Variants in ALG9 observed in about 807,000 individuals in gnomAD.
The protein encoded by ALG9 is alpha-1,2-mannosyltransferase ALG9.
A neutral mutation model predicts 81.8 loss-of-function variants in ALG9; 55 were observed. The ratio of observed to expected loss-of-function variants is 0.67; its 90% CI spans 0.54 to 0.84. ALG9 has a LOEUF of 0.84. Ranked by LOEUF, ALG9 falls within the 40% of genes least tolerant of loss-of-function variation. The probability of loss-of-function intolerance (pLI) is 0.00; values close to 1 mark genes in which losing one functional copy is unlikely to be tolerated. For synonymous variants in ALG9, 278 were observed against 274.3 expected, an observed-to-expected ratio of 1.01 and a Z score of -0.13; for missense variants, 629 against 745.0, an observed-to-expected ratio of 0.84 and a Z score of 1.81.
rs1555144290 is a variant in ALG9 at position 111,857,621 on chromosome 11, G to A, written c.682C>T (p.Pro228Ser). The A allele has an allele frequency of 1.2e-6, 2 of 1,614,096 alleles. No homozygotes were observed. Among genetic ancestry groups the A allele is most frequent in the African/African-American group, 2.7e-5 (2 of 74,992 alleles). The change falls in exon 6 of 15, where the codon CCA (proline) becomes TCA (serine). Residue 228 changes from proline to serine, a missense_variant. Pro to Ser is a moderately conservative substitution (Grantham distance 74). Coordinates refer to ENST00000616540, the MANE Select transcript of ALG9 (RefSeq NM_024740.2). ...GVAAGAILGW[P>S]FSAALGLPIA... ...TCTTACCCAAGAGCTGCACTGAATG[G>A]CCAGCCTAAGATAGCCCCAGCTGCT...
downstream of ALG9, among the ~76,000 whole-genome samples, chr11:111,779,675 C>T (rs1342160649): frequency 1.3e-5 from 2 of 151,616 alleles, no homozygotes; most frequent in Non-Finnish European, 2.9e-5. Flanking sequence ...CATCTCTAGG[C>T]ATGTAATGAC....
chr11:111,845,573 T>C (rs1321713799), intron 8 of ALG9, among the ~76,000 whole-genome samples: 1 of 152,174 alleles, frequency 6.6e-6, no homozygotes, highest in Non-Finnish European at 1.5e-5. Context: ...ACACTATTTT[T>C]TATTCTTTAA....
Position 111,870,382 on chromosome 11 carries a change from CAAAAAAA to C in ALG9, c.132-19_132-13del, listed in dbSNP as rs60312459. The C allele has an allele frequency of 3.6e-4, 346 of 972,562 alleles. No individual in the cohort carries two copies. The highest frequency in any genetic ancestry group is 1.8e-3 in the Admixed American group (19 of 10,830). 60.2% of individuals were successfully genotyped at this position (972,562 alleles called of 1,614,324 possible). A position where few individuals can be genotyped will look rare whatever the true frequency, so the allele number is the denominator to read the frequency against. On this transcript the variant is annotated splice_polypyrimidine_tract_variant and intron_variant, in intron 1 of 14. Coordinates refer to ENST00000616540, the MANE Select transcript of ALG9 (RefSeq NM_024740.2). ...TGTTCCCAGATAACCTGTTCAAAAGCAAAAAAAAAAAAAAAAAAAAAAGCATGTCAGG... is the reference window on the plus strand; with the variant it reads ...TGTTCCCAGATAACCTGTTCAAAAGCAAAAAAAAAAAAAAAGCATGTCAGG...
intron 6 of ALG9, among the ~76,000 whole-genome samples, chr11:111,856,394 G>A (rs1958691398): frequency 6.6e-6 from 1 of 151,206 alleles, no homozygotes; most frequent in Admixed American, 6.6e-5. Context: ...GGAATGTTAT[G>A]CAACCAATAT....
intron 14 of ALG9, among the ~76,000 whole-genome samples, chr11:111,804,011 T>C (rs979673376): frequency 6.6e-6 from 1 of 151,416 alleles, no homozygotes; most frequent in African/African-American, 2.4e-5. Context: ...TGGGTGCCTG[T>C]AATCCCAGCT....
intron 3 of ALG9, among the ~76,000 whole-genome samples, chr11:111,867,731 G>A (rs1365347478): frequency 3.3e-5 from 5 of 152,152 alleles, no homozygotes; most frequent in African/African-American, 7.2e-5. Context: ...GACATTTTAG[G>A]TATTGCATTA....
At chr11:111,831,229 C>T (rs147499075) in intron 13 of ALG9, among the ~76,000 whole-genome samples, 8,811 of 151,918 alleles carry the variant, frequency 0.058, 689 homozygotes, top group African/African-American at 0.18. Flanking sequence ...TTAGTAGAGA[C>T]GGGGTTTCAC....
chr11:111,781,572 A>C (rs1184905528), downstream of ALG9, among the ~76,000 whole-genome samples: 3 of 152,382 alleles, frequency 2.0e-5, no homozygotes, highest in East Asian at 5.8e-4. Context: ...CCAAAAACTT[A>C]AGATGGATCC....
intron 9 of ALG9, among the ~76,000 whole-genome samples, chr11:111,843,266 A>G (rs1285393318): frequency 6.6e-6 from 1 of 152,246 alleles, no homozygotes; most frequent in East Asian, 1.9e-4. Flanking sequence ...TTCGAAAGAA[A>G]AAAAGTAAGA....
At chr11:111,864,372 T>A in intron 4 of ALG9, 1 of 766,230 alleles carries the variant, frequency 1.3e-6, no homozygotes, top group South Asian at 1.4e-5. Context: ...CAATTCTGTC[T>A]GCAGAATGTT....
At chr11:111,855,604 A>G (rs1246300408) in intron 6 of ALG9, among the ~76,000 whole-genome samples, 3 of 152,236 alleles carry the variant, frequency 2.0e-5, no homozygotes, top group African/African-American at 4.8e-5. Context: ...AGGAGACAGC[A>G]GTACTATTTA....
At chr11:111,839,886 G>A (rs1369495025) in intron 10 of ALG9, among the ~76,000 whole-genome samples, 2 of 152,088 alleles carry the variant, frequency 1.3e-5, no homozygotes, top group African/African-American at 4.8e-5. Context: ...GAAATGTTCA[G>A]AATAGGCAAA....
At chr11:111,847,824 G>A (rs544374942) in intron 8 of ALG9, among the ~76,000 whole-genome samples, 16 of 152,254 alleles carry the variant, frequency 1.1e-4, no homozygotes, top group Admixed American at 1.3e-4. Context: ...CAGTGTGCAC[G>A]TCACTCTGCC....
At chr11:111,833,719 C>A (rs756337911) in intron 13 of ALG9, among the ~76,000 whole-genome samples, 21 of 152,206 alleles carry the variant, frequency 1.4e-4, no homozygotes, top group Non-Finnish European at 2.6e-4. Flanking sequence ...ACCCAGCAGA[C>A]ATAAATCACT....
chr11:111,768,842 C>CGTGCGTGTGT, the ALG9 span: 1 of 143,096 alleles, frequency 7.0e-6, no homozygotes, highest in Admixed American at 7.0e-5. Flanking sequence ...TGTGTGTGTG[C>CGTGCGTGTGT]GTGTGTGTGT....
chr11:111,771,675 C>G, the ALG9 span, among the ~76,000 whole-genome samples: 1 of 152,136 alleles, frequency 6.6e-6, no homozygotes, highest in South Asian at 2.1e-4. Flanking sequence ...CTGAGGCACA[C>G]GGAAGCATTT....
chr11:111,825,930 C>T (rs1012080695), intron 13 of ALG9, among the ~76,000 whole-genome samples: 7 of 151,828 alleles, frequency 4.6e-5, no homozygotes, highest in Admixed American at 2.0e-4. Context: ...GGCATGGCGG[C>T]GCATGCCTTC....
At chr11:111,768,827 TCGTGTGTGTGTGTGCGTGTGTGTGTG>T in the ALG9 span, 47 of 97,436 alleles carry the variant, frequency 4.8e-4, no homozygotes, top group African/African-American at 2.2e-3. Flanking sequence ...ACATCCAGCT[TCGTGTGTGTGTGTGCGTGTGTGTGTG>T]TGTGTGTGTG....
chr11:111,861,492 T>C (rs11608193), intron 4 of ALG9, among the ~76,000 whole-genome samples: 40,707 of 152,028 alleles, frequency 0.27, 5,645 homozygotes, highest in Admixed American at 0.34. Context: ...CACTCCGAGA[T>C]AGAGTCATAC....
Sources: allele counts gnomAD v4.1 joint callset (sites outside exome capture counted in the v4.1 genomes callset), GRCh38; gene constraint gnomAD v4.1.1; transcripts MANE v1.5; gene names NCBI Gene and HGNC (gene_info 2026-07-23, HGNC 2026-07-21).